Variants in DCAF12 observed in about 807,000 individuals in gnomAD.
DCAF12 encodes DDB1- and CUL4-associated factor 12.
In DCAF12, 28 loss-of-function variants were observed where a neutral mutation model predicts 52.8. The ratio of observed to expected loss-of-function variants is 0.53; its 90% CI spans 0.39 to 0.73. The LOEUF is 0.73. Among genes scored for constraint, DCAF12 ranks in the 30% least tolerant of loss-of-function variants. The pLI is 0.00. For synonymous variants in DCAF12, 196 were observed against 215.5 expected (o/e 0.91, Z 0.79); for missense variants, 425 against 552.2 (o/e 0.77, Z 2.31).
chr9:34,122,418 C>G (rs1014506369), intron 2 of DCAF12, among the ~76,000 whole-genome samples: 2 of 151,856 alleles, frequency 1.3e-5, no homozygotes, highest in African/African-American at 4.8e-5. Flanking sequence ...AAATCTGTTC[C>G]TTAACATTCA....
At chr9:34,112,076 G>C (rs1829012851) in intron 2 of DCAF12, among the ~76,000 whole-genome samples, 1 of 151,580 alleles carries the variant, frequency 6.6e-6, no homozygotes, top group African/African-American at 2.4e-5. Flanking sequence ...TCAGGAGGTG[G>C]AGGTTGCAGT....
chr9:34,096,716 C>CT lies in DCAF12; in HGVS notation c.860dup (p.Leu288AlafsTer11). ...AACCACAAAATCATGTTCATCACAC[C>CT]TTAGATAGTGTATTTTCAGCCTTCC... On this transcript the variant is annotated frameshift_variant and splice_region_variant, in exon 6 of 9. Transcript: ENST00000361264. LOFTEE classifies it high-confidence loss of function. 1 of 1,613,610 alleles carries CT rather than the reference C, an allele frequency of 6.2e-7. No homozygotes were observed. The highest frequency in any genetic ancestry group is 8.5e-7 in the Non-Finnish European group (1 of 1,179,650).
Position 34,098,510 on chromosome 9 carries a change from A to C in DCAF12, c.609T>G (p.Arg203=). The part of the protein sequence containing the change: ...ISDTMAVSGS[R]DGSMGLWEVT... ...CCTCCCAGAGTCCCATAGAACCATCACGTGAGCCTGCAGGGCCAGGAGAAC... is the reference window on the plus strand; with the variant it reads ...CCTCCCAGAGTCCCATAGAACCATCCCGTGAGCCTGCAGGGCCAGGAGAAC... Residue 203 remains arginine (R), a synonymous_variant, in exon 5 of 9, where the codon CGT becomes CGG. Coordinates refer to ENST00000361264, the MANE Select transcript of DCAF12 (RefSeq NM_015397.4). 1 of 1,612,770 alleles carries C rather than the reference A, an allele frequency of 6.2e-7. No homozygotes were observed. Among genetic ancestry groups the C allele is most frequent in the Non-Finnish European group, 8.5e-7 (1 of 1,179,332 alleles).
chr9:34,126,529 C>G lies in DCAF12; in HGVS notation c.-98G>C, dbSNP rs1190022532. ...TATACTGGGCCCCGGGGCCGCGCACCTTAGTGCGCCCGGCCCGGAAAATGG... is the reference window on the plus strand; with the variant it reads ...TATACTGGGCCCCGGGGCCGCGCACGTTAGTGCGCCCGGCCCGGAAAATGG... On this transcript the variant is annotated 5_prime_UTR_variant, in exon 1 of 9. Transcript: ENST00000361264. 3.7e-6 allele frequency: 5 copies of G among 1,341,158 alleles called. No individual in the cohort carries two copies. The highest frequency in any genetic ancestry group is 5.0e-6 in the Non-Finnish European group (5 of 1,007,532). 83.1% of individuals were successfully genotyped at this position (1,341,158 alleles called of 1,614,324 possible).
chr9:34,125,228 T>C lies in DCAF12; in HGVS notation c.128A>G (p.Lys43Arg), dbSNP rs753022618. The C allele has an allele frequency of 3.1e-6, 5 of 1,614,074 alleles. No individual in the cohort carries two copies. The highest frequency in any genetic ancestry group is 4.2e-6 in the Non-Finnish European group (5 of 1,179,948). The change falls in exon 2 of 9, where the codon AAG becomes AGG. Residue 43 changes from lysine (K) to arginine (R), a missense_variant. Lys to Arg is a conservative substitution (Grantham distance 26). Around this residue, in one of 3 missense-constraint regions of DCAF12, gnomAD observed 89 missense variants for 84.9 expected, o/e 1.05. Coordinates refer to ENST00000361264, the MANE Select transcript of DCAF12 (RefSeq NM_015397.4). ...LHKRKRLPPV[K>R]RSLVYYLKNR... ...CTTCAAGTAGTATACTAAGGATCTC[T>C]TCACAGGAGGAAGTCTTTTCCTTTT...
At chr9:34,114,933 C>T (rs1254205130) in intron 2 of DCAF12, among the ~76,000 whole-genome samples, 1 of 152,068 alleles carries the variant, frequency 6.6e-6, no homozygotes, top group Non-Finnish European at 1.5e-5. Flanking sequence ...TGCCATTACC[C>T]TCCAGCCTGG....
At chr9:34,111,288 C>T (rs1315425493) in intron 2 of DCAF12, among the ~76,000 whole-genome samples, 1 of 152,120 alleles carries the variant, frequency 6.6e-6, no homozygotes, top group Admixed American at 6.6e-5. Flanking sequence ...CCAGCCTCTC[C>T]TACTCTTTTA....
At chr9:34,116,123 G>C (rs1829084647) in intron 2 of DCAF12, among the ~76,000 whole-genome samples, 1 of 152,094 alleles carries the variant, frequency 6.6e-6, no homozygotes, top group Non-Finnish European at 1.5e-5. Flanking sequence ...TAGCACTTTG[G>C]GAGGTGGGCA....
At chr9:34,113,045 A>G (rs538679740) in intron 2 of DCAF12, among the ~76,000 whole-genome samples, 12 of 152,136 alleles carry the variant, frequency 7.9e-5, no homozygotes, top group Non-Finnish European at 1.8e-4. Context: ...GGGATTCCCA[A>G]ACTGCTGATC....
chr9:34,117,537 C>G (rs745822844), intron 2 of DCAF12, among the ~76,000 whole-genome samples: 1 of 152,126 alleles, frequency 6.6e-6, no homozygotes, highest in Non-Finnish European at 1.5e-5. Context: ...TTACCTAGTA[C>G]CCACCAAAGT....
intron 2 of DCAF12, among the ~76,000 whole-genome samples, chr9:34,111,896 A>G (rs1368359659): frequency 2.0e-5 from 3 of 152,004 alleles, no homozygotes; most frequent in African/African-American, 7.2e-5. Context: ...GCACTTAGGG[A>G]GGCTGAGGCG....
chr9:34,093,647 T>A, intron 6 of DCAF12, 199 bp from the exon 7 acceptor site: 2 of 556,792 alleles, frequency 3.6e-6, no homozygotes, highest in Non-Finnish European at 6.3e-6. Flanking sequence ...CGGTAAGACC[T>A]AGATACTGAA....
chr9:34,099,965 T>G (rs924271430), intron 4 of DCAF12, among the ~76,000 whole-genome samples: 2 of 152,188 alleles, frequency 1.3e-5, no homozygotes, highest in Non-Finnish European at 2.9e-5. Context: ...TAGTGGGCAG[T>G]AGGGCTTGGG....
At chr9:34,120,425 C>G (rs1193858346) in intron 2 of DCAF12, among the ~76,000 whole-genome samples, 1 of 151,708 alleles carries the variant, frequency 6.6e-6, no homozygotes, top group Non-Finnish European at 1.5e-5. Context: ...AATCCCAGCA[C>G]TTTGGGAGGC....
intron 8 of DCAF12, among the ~76,000 whole-genome samples, chr9:34,088,802 A>G (rs934669413): frequency 6.6e-5 from 10 of 152,178 alleles, no homozygotes; most frequent in Non-Finnish European, 1.2e-4. Context: ...AGGAGGAAGA[A>G]CCAAACACTT....
intron 2 of DCAF12, chr9:34,109,080 A>G (rs1310459736): frequency 2.6e-5 from 4 of 151,728 alleles, no homozygotes; most frequent in Non-Finnish European, 5.9e-5. Flanking sequence ...ATGAAGAACA[A>G]GTGCACACAC....
In DCAF12 at chr9:34,106,510, G is replaced by T. The variant is rs1828906737; in HGVS notation, c.541-16C>A. 6.2e-7 allele frequency: 1 copy of T among 1,603,742 alleles called. No individual in the cohort carries two copies. The highest frequency in any genetic ancestry group is 1.3e-5 in the African/African-American group (1 of 74,878). ...TGTGTCCATCCTTGGAGAGCAGGGA[G>T]TAACAGGTACAGGGAGGAAAATAAG... On this transcript the variant is annotated splice_polypyrimidine_tract_variant and intron_variant, in intron 3 of 8. Coordinates refer to ENST00000361264, the MANE Select transcript of DCAF12 (RefSeq NM_015397.4).
intron 2 of DCAF12, among the ~76,000 whole-genome samples, chr9:34,120,425 C>T (rs1193858346): frequency 6.6e-6 from 1 of 151,708 alleles, no homozygotes; most frequent in Non-Finnish European, 1.5e-5. Flanking sequence ...AATCCCAGCA[C>T]TTTGGGAGGC....
intron 2 of DCAF12, among the ~76,000 whole-genome samples, chr9:34,119,655 A>G (rs746018479): frequency 6.6e-6 from 1 of 151,030 alleles, no homozygotes; most frequent in Non-Finnish European, 1.5e-5. Flanking sequence ...GCAAAAGGGT[A>G]TAACATTTTT....
Sources: allele counts gnomAD v4.1 joint callset (sites outside exome capture counted in the v4.1 genomes callset), GRCh38; gene constraint gnomAD v4.1.1; regional missense constraint gnomAD v4.1.1; transcripts MANE v1.5; gene names NCBI Gene and HGNC (gene_info 2026-07-23, HGNC 2026-07-21).